HECTD2: variants seen among roughly 807,000 people sequenced by gnomAD.
HECTD2 encodes the protein HECT domain E3 ubiquitin protein ligase 2.
A neutral mutation model predicts 103.2 loss-of-function variants in HECTD2; 35 were observed. The observed-to-expected ratio is 0.34, with a 90% CI of 0.26 to 0.45. The LOEUF is 0.45. Among genes scored for constraint, HECTD2 ranks in the 20% least tolerant of loss-of-function variants. The probability of loss-of-function intolerance (pLI) is 1.00; values close to 1 mark genes in which losing one functional copy is unlikely to be tolerated. For missense variants in HECTD2, 596 were observed against 937.4 expected (o/e 0.64, Z 4.76); for synonymous variants, 281 against 329.9 (o/e 0.85, Z 1.61).
intron 5 of HECTD2, among the ~76,000 whole-genome samples, chr10:91,467,197 C>T (rs146913627): frequency 2.8e-4 from 42 of 152,206 alleles, no homozygotes; most frequent in African/African-American, 8.7e-4. Context: ...CACGGGCCTC[C>T]GGAATCCTGG....
chr10:91,482,001 A>G (rs963007662), intron 7 of HECTD2, among the ~76,000 whole-genome samples: 3 of 151,840 alleles, frequency 2.0e-5, no homozygotes, highest in African/African-American at 7.2e-5. Flanking sequence ...AGAGAAATGT[A>G]AGGAGGGAAA....
At position 91,418,756 on chromosome 10, in the gene HECTD2, C is replaced by T. The variant is rs529421988; in HGVS notation, c.139-6525C>T. Among the ~76,000 whole-genome samples, 8 of 152,154 alleles carry T rather than the reference C, an allele frequency of 5.3e-5. No homozygotes were observed. The East Asian group carries it at 5.8e-4, about 11-fold the overall frequency. Reference sequence around the variant, plus strand: ...TCTCTTTGTAGACTGTAAATTATATCGTTGGCTCCAGGATGGCTCTGATTG... The same window carrying T: ...TCTCTTTGTAGACTGTAAATTATATTGTTGGCTCCAGGATGGCTCTGATTG... On this transcript the variant is annotated intron_variant, in intron 1 of 20. Transcript: ENST00000298068.
chr10:91,410,625 G>A, intron 1 of HECTD2, 49 bp downstream of exon 1: 2 of 1,320,470 alleles, frequency 1.5e-6, no homozygotes, highest in Non-Finnish European at 1.9e-6. Context: ...CGGGAGTTGG[G>A]AGGGACGGCG....
chr10:91,460,619 A>G (rs981303678), intron 3 of HECTD2, 54 bp downstream of exon 3: 42 of 1,494,128 alleles, frequency 2.8e-5, no homozygotes, highest in Non-Finnish European at 3.8e-5. Flanking sequence ...TCAGCACTTT[A>G]CATAATTTAA....
rs527286052 is a variant in HECTD2, at chr10:91,422,928, G to T, written c.139-2353G>T. ...CTTTTATTAAGAAGAGGTGAAGGAA[G>T]GGGGAAGAAAAGAAAATGTTAGTCT... On this transcript the variant is annotated intron_variant, in intron 1 of 20. Transcript: ENST00000298068. 4.6e-5 allele frequency among the ~76,000 whole-genome samples: 7 copies of T among 152,254 alleles called. No individual in the cohort carries two copies. In the South Asian group the frequency reaches 8.3e-4, roughly 18 times the overall value.
chr10:91,440,285 A>T (rs933158986), intron 2 of HECTD2, among the ~76,000 whole-genome samples: 1 of 152,122 alleles, frequency 6.6e-6, no homozygotes, highest in South Asian at 2.1e-4. Context: ...TTTAGCATGA[A>T]TGGGGTGTTG....
chr10:91,464,743 A>C (rs374274723), intron 5 of HECTD2: 1 of 153,060 alleles, frequency 6.5e-6, no homozygotes, highest in African/African-American at 2.4e-5. Context: ...CTACCTGTGC[A>C]CCAAGGGCTT....
chr10:91,512,576 C>T lies in HECTD2; in HGVS notation c.*192C>T, dbSNP rs1009549692. The T allele has an allele frequency of 1.1e-5, 6 of 535,616 alleles. No individual in the cohort carries two copies. The highest frequency in any genetic ancestry group is 3.2e-5 in the Admixed American group (1 of 31,572). The allele number at this position is 535,616 out of a possible 1,614,324, so 33.2% of individuals were successfully genotyped here. On this transcript the variant is annotated 3_prime_UTR_variant, in exon 21 of 21. Coordinates refer to ENST00000298068, the MANE Select transcript of HECTD2 (RefSeq NM_182765.6). ...ATTTTCTAAAAACACACACAGAAATCGCTTGAGTGAGGAAAAGTCCACATG... is the reference window on the plus strand; with the variant it reads ...ATTTTCTAAAAACACACACAGAAATTGCTTGAGTGAGGAAAAGTCCACATG...
chr10:91,465,549 T>C (rs915758271), intron 5 of HECTD2, among the ~76,000 whole-genome samples: 1 of 151,746 alleles, frequency 6.6e-6, no homozygotes, highest in African/African-American at 2.4e-5. Flanking sequence ...AATTATGATG[T>C]TAGCTGTAGG....
At chr10:91,494,426 T>G (rs1471635466) in intron 14 of HECTD2, among the ~76,000 whole-genome samples, 1 of 151,988 alleles carries the variant, frequency 6.6e-6, no homozygotes, top group Non-Finnish European at 1.5e-5. Context: ...GTGCTGGGCT[T>G]GGTAGAGAGC....
chr10:91,460,360 T>G, intron 2 of HECTD2, 67 bp from the exon 3 acceptor site: 1 of 1,218,508 alleles, frequency 8.2e-7, no homozygotes, highest in South Asian at 1.5e-5. Flanking sequence ...GTTGAATTAA[T>G]CTTGTATTTT....
At chr10:91,490,629 C>G (rs978578842) in intron 11 of HECTD2, among the ~76,000 whole-genome samples, 1 of 151,888 alleles carries the variant, frequency 6.6e-6, no homozygotes, top group Non-Finnish European at 1.5e-5. Flanking sequence ...CGGTGGCTCA[C>G]GCCTGTAATC....
chr10:91,420,527 GCA>G lies in HECTD2; in HGVS notation c.139-4753_139-4752del. Among the ~76,000 whole-genome samples, 5 of 151,590 alleles carry G rather than the reference GCA, an allele frequency of 3.3e-5. 1 individual carries two copies. Among genetic ancestry groups the G allele is most frequent in the Admixed American group, 3.3e-4 (5 of 15,230 alleles). On this transcript the variant is annotated intron_variant, in intron 1 of 20. Coordinates refer to ENST00000298068, the MANE Select transcript of HECTD2 (RefSeq NM_182765.6). The stretch of plus-strand genomic sequence containing the variant: ...TCAGTAGAACCAGGAGGCAGAGGTT[GCA>G]GTGAGCCGAGATCGTGCCACTGCAC...
chr10:91,458,560 A>T (rs1845210644), intron 2 of HECTD2, among the ~76,000 whole-genome samples: 1 of 152,048 alleles, frequency 6.6e-6, no homozygotes, highest in Admixed American at 6.6e-5. Context: ...TGAGATAACC[A>T]TGGAGGAAGA....
intron 1 of HECTD2, among the ~76,000 whole-genome samples, chr10:91,418,420 A>G (rs1017752325): frequency 6.6e-6 from 1 of 152,186 alleles, no homozygotes; most frequent in African/African-American, 2.4e-5. Context: ...TCAGTCATCT[A>G]TATGATCAAT....
At chr10:91,490,128 TA>T (rs1408287654) in intron 11 of HECTD2, 1 of 152,162 alleles carries the variant, frequency 6.6e-6, no homozygotes, top group Non-Finnish European at 1.5e-5. Flanking sequence ...GCAAAGCCAT[TA>T]ACATTTTAGT....
At chr10:91,434,924 A>C (rs1465117277) in intron 2 of HECTD2, among the ~76,000 whole-genome samples, 3 of 152,014 alleles carry the variant, frequency 2.0e-5, no homozygotes, top group Non-Finnish European at 4.4e-5. Flanking sequence ...TTAAAAAGTA[A>C]TTCTATATCT....
At chr10:91,509,751 A>G (rs886994581) in intron 20 of HECTD2, among the ~76,000 whole-genome samples, 1 of 152,168 alleles carries the variant, frequency 6.6e-6, no homozygotes, top group African/African-American at 2.4e-5. Flanking sequence ...CAAGGAAGGG[A>G]ATGACAAACA....
chr10:91,459,659 C>G (rs1444962443), intron 2 of HECTD2, among the ~76,000 whole-genome samples: 4 of 151,850 alleles, frequency 2.6e-5, no homozygotes, highest in Non-Finnish European at 5.9e-5. Context: ...TTTCTGTTTC[C>G]AGAAATAAAA....
Sources: allele counts gnomAD v4.1 joint callset (sites outside exome capture counted in the v4.1 genomes callset), GRCh38; gene constraint gnomAD v4.1.1; transcripts MANE v1.5; gene names NCBI Gene and HGNC (gene_info 2026-07-23, HGNC 2026-07-21).